Variants in NARS2 observed in about 807,000 individuals in gnomAD.
The protein encoded by NARS2 is asparaginyl-tRNA synthetase.
A neutral mutation model predicts 62.9 loss-of-function variants in NARS2; 60 were observed. The ratio of observed to expected loss-of-function variants is 0.95; its 90% CI spans 0.77 to 1.18. NARS2 has a LOEUF of 1.18. NARS2 is among the 50% of genes most tolerant of loss of function. NARS2 has a pLI of 0.00. For missense variants in NARS2, 619 were observed against 576.4 expected (o/e 1.07, Z -0.76); for synonymous variants, 196 against 200.0 (o/e 0.98, Z 0.17).
At chr11:78,547,027 G>C (rs964112365) in intron 5 of NARS2, among the ~76,000 whole-genome samples, 2 of 152,168 alleles carry the variant, frequency 1.3e-5, no homozygotes, top group Non-Finnish European at 2.9e-5. Flanking sequence ...TTTATCTTCT[G>C]GATAAACACT....
chr11:78,506,153 T>C (rs1383766720), intron 6 of NARS2, among the ~76,000 whole-genome samples: 1 of 152,200 alleles, frequency 6.6e-6, no homozygotes, highest in Admixed American at 6.5e-5. Flanking sequence ...CACAATGACA[T>C]ATCCTATACT....
chr11:78,509,294 A>G (rs1860626134), intron 6 of NARS2, among the ~76,000 whole-genome samples: 1 of 152,150 alleles, frequency 6.6e-6, no homozygotes, highest in African/African-American at 2.4e-5. Flanking sequence ...AAAACCTAAA[A>G]GAGTTTGTTA....
intron 5 of NARS2, among the ~76,000 whole-genome samples, chr11:78,552,326 T>C (rs1453273630): frequency 1.3e-5 from 2 of 152,238 alleles, no homozygotes; most frequent in African/African-American, 4.8e-5. Context: ...CATGATCTCA[T>C]TCCTTTTTAT....
chr11:78,441,827 T>C (rs991262359), intron 12 of NARS2, among the ~76,000 whole-genome samples: 1 of 152,156 alleles, frequency 6.6e-6, no homozygotes, highest in Non-Finnish European at 1.5e-5. Flanking sequence ...AACAATAATA[T>C]AGATTCTGAG....
At chr11:78,486,520 C>T (rs7926844) in intron 7 of NARS2, among the ~76,000 whole-genome samples, 1 of 152,212 alleles carries the variant, frequency 6.6e-6, no homozygotes, top group African/African-American at 2.4e-5. Context: ...TCAAATAGCA[C>T]AGCAGAGGCT....
intron 7 of NARS2, among the ~76,000 whole-genome samples, chr11:78,480,586 T>G (rs1859306803): frequency 6.6e-6 from 1 of 150,548 alleles, no homozygotes; most frequent in Non-Finnish European, 1.5e-5. Flanking sequence ...TATGGTCATT[T>G]ATTTTTCCAA....
At chr11:78,504,434 G>GTT (rs758781275) in intron 6 of NARS2, among the ~76,000 whole-genome samples, 4 of 61,396 alleles carry the variant, frequency 6.5e-5, no homozygotes, top group Admixed American at 1.7e-4. Context: ...CAAAACACCA[G>GTT]TTTTTTTTTT....
At chr11:78,459,505 G>A (rs898820316) in intron 11 of NARS2, among the ~76,000 whole-genome samples, 9 of 151,776 alleles carry the variant, frequency 5.9e-5, no homozygotes, top group African/African-American at 2.2e-4. Context: ...CCCTGCCTCA[G>A]GTGATCCACC....
chr11:78,468,782 T>A (rs192569834), intron 10 of NARS2, among the ~76,000 whole-genome samples: 9 of 151,186 alleles, frequency 6.0e-5, no homozygotes, highest in Admixed American at 2.6e-4. Context: ...ATTCTTTTTT[T>A]AAAAATTCAC....
intron 6 of NARS2, among the ~76,000 whole-genome samples, chr11:78,510,582 TAATAC>T (rs1860683549): frequency 1.3e-5 from 2 of 152,138 alleles, no homozygotes; most frequent in African/African-American, 2.4e-5. Flanking sequence ...AGAGAGGACT[TAATAC>T]AATAAAACCA....
chr11:78,491,846 T>C (rs1172093120), intron 7 of NARS2, among the ~76,000 whole-genome samples: 1 of 152,160 alleles, frequency 6.6e-6, no homozygotes, highest in African/African-American at 2.4e-5. Context: ...AATTAGTCTG[T>C]TCTATTTGTG....
At chr11:78,488,798 T>C (rs150076286) in intron 7 of NARS2, among the ~76,000 whole-genome samples, 18 of 152,272 alleles carry the variant, frequency 1.2e-4, no homozygotes, top group African/African-American at 4.3e-4. Context: ...TCCATATATA[T>C]ATGACCAACT....
At chr11:78,518,867 A>G (rs1340202724) in intron 6 of NARS2, among the ~76,000 whole-genome samples, 2 of 152,202 alleles carry the variant, frequency 1.3e-5, no homozygotes, top group African/African-American at 4.8e-5. Context: ...GAGAGCAGAA[A>G]AAGATAAAAA....
chr11:78,478,587 T>C lies in NARS2; in HGVS notation c.919A>G (p.Lys307Glu). The change falls in exon 8 of 14, where the codon AAG (lysine) becomes GAG (glutamate). Residue 307 changes from lysine (K) to glutamate (E), a missense_variant and splice_region_variant. Transcript: ENST00000281038. ...LCHKFIAPGQKDRLEHMLKNN... is the reference protein window; with the variant it reads ...LCHKFIAPGQEDRLEHMLKNN... ...GCTTTATCCATAAAACTAATTACCT[T>C]TTGGCCAGGTGCTATGAATTTGTGA... 6.3e-7 allele frequency: 1 copy of C among 1,599,478 alleles called. No homozygotes were observed. The highest frequency in any genetic ancestry group is 1.1e-5 in the South Asian group (1 of 90,240).
chr11:78,572,316 C>G (rs190788591), intron 1 of NARS2, among the ~76,000 whole-genome samples: 2 of 152,152 alleles, frequency 1.3e-5, no homozygotes, highest in Non-Finnish European at 2.9e-5. Flanking sequence ...GCTACTTAAT[C>G]ATCAGAAAAA....
intron 6 of NARS2, among the ~76,000 whole-genome samples, chr11:78,510,515 C>T (rs1860680971): frequency 6.6e-6 from 1 of 152,074 alleles, no homozygotes; most frequent in Non-Finnish European, 1.5e-5. Flanking sequence ...TTTTACAATA[C>T]TATTGGAAAC....
chr11:78,460,089 A>G (rs974624399), intron 11 of NARS2, among the ~76,000 whole-genome samples: 12 of 152,190 alleles, frequency 7.9e-5, no homozygotes, highest in Admixed American at 7.9e-4. Context: ...GTCTGAAGAC[A>G]CAGAAGAAGG....
intron 7 of NARS2, among the ~76,000 whole-genome samples, chr11:78,492,551 G>C (rs924411738): frequency 6.6e-6 from 1 of 152,104 alleles, no homozygotes; most frequent in African/African-American, 2.4e-5. Context: ...CATCTCTCCA[G>C]CCTTGTCCCC....
intron 7 of NARS2, among the ~76,000 whole-genome samples, chr11:78,480,954 G>A (rs1417188912): frequency 6.6e-6 from 1 of 151,844 alleles, no homozygotes; most frequent in Non-Finnish European, 1.5e-5. Flanking sequence ...GAGTAGCTGG[G>A]ATTACAGGGG....
Sources: allele counts gnomAD v4.1 joint callset (sites outside exome capture counted in the v4.1 genomes callset), GRCh38; gene constraint gnomAD v4.1.1; transcripts MANE v1.5; gene names NCBI Gene and HGNC (gene_info 2026-07-23, HGNC 2026-07-21).